The following GALNT13 variants were observed in gnomAD, a reference collection of about 807,000 sequenced individuals.
The protein encoded by GALNT13 is polypeptide N-acetylgalactosaminyltransferase 13, also known as UDP-GalNAc:polypeptide N-acetylgalactosaminyltransferase 13.
Under a neutral mutation model 64.2 loss-of-function variants are expected in GALNT13, and 28 were observed. That is an observed-to-expected ratio of 0.44 (90% CI 0.32 to 0.60). The LOEUF is 0.60. GALNT13 is among the 20% of genes least tolerant of loss of function. The pLI, the probability that GALNT13 is intolerant of heterozygous loss-of-function variation, is 0.05. For synonymous variants in GALNT13, 214 were observed against 224.6 expected (o/e 0.95, Z 0.42); for missense variants, 577 against 669.8 (o/e 0.86, Z 1.53).
chr2:154,270,681 A>T (rs942184841), intron 8 of GALNT13, among the ~76,000 whole-genome samples: 16 of 151,840 alleles, frequency 1.1e-4, no homozygotes, highest in Non-Finnish European at 2.1e-4. Context: ...GTGAAAATAA[A>T]TTAGTAAATA....
intron 3 of GALNT13, among the ~76,000 whole-genome samples, chr2:153,957,596 T>C (rs2105083136): frequency 6.6e-6 from 1 of 152,326 alleles, no homozygotes; most frequent in East Asian, 1.9e-4. Flanking sequence ...GCCCTCTTGC[T>C]TAAAGCAGGT....
intron 11 of GALNT13, among the ~76,000 whole-genome samples, chr2:154,434,505 C>T (rs936745241): frequency 2.5e-4 from 38 of 152,052 alleles, no homozygotes; most frequent in Non-Finnish European, 4.0e-4. Flanking sequence ...GTGATCCATG[C>T]GCCTGGGCCT....
At chr2:153,096,506 C>T in the GALNT13 span, among the ~76,000 whole-genome samples, 36 of 152,112 alleles carry the variant, frequency 2.4e-4, no homozygotes, top group Non-Finnish European at 4.9e-4. Context: ...CTATTTCTCT[C>T]TTTAGCTCTA....
At chr2:153,436,606 T>C in the GALNT13 span, among the ~76,000 whole-genome samples, 1 of 152,248 alleles carries the variant, frequency 6.6e-6, no homozygotes, top group Non-Finnish European at 1.5e-5. Context: ...ATTTTCTAGT[T>C]TATTTGCATA....
the GALNT13 span, among the ~76,000 whole-genome samples, chr2:153,094,910 T>C: frequency 1.3e-5 from 2 of 152,190 alleles, no homozygotes; most frequent in African/African-American, 4.8e-5. Context: ...AGGACTTAAA[T>C]TTTAGACCTA....
the GALNT13 span, among the ~76,000 whole-genome samples, chr2:153,816,471 CAT>C: frequency 5.3e-5 from 8 of 152,132 alleles, no homozygotes; most frequent in African/African-American, 1.7e-4. Flanking sequence ...TGCCATTGGA[CAT>C]ATTTAGCTTT....
chr2:154,274,570 G>C (rs765051017), intron 8 of GALNT13, among the ~76,000 whole-genome samples: 6 of 151,968 alleles, frequency 3.9e-5, no homozygotes, highest in Admixed American at 1.3e-4. Context: ...TTCTTGCTTG[G>C]CATTTCTCCT....
chr2:153,498,741 C>A, the GALNT13 span, among the ~76,000 whole-genome samples: 1 of 152,218 alleles, frequency 6.6e-6, no homozygotes, highest in Non-Finnish European at 1.5e-5. Flanking sequence ...GGCCGCAGCT[C>A]TTCTCTCCTT....
intron 1 of GALNT13, among the ~76,000 whole-genome samples, chr2:153,873,415 C>T (rs1312324139): frequency 6.6e-6 from 1 of 152,232 alleles, no homozygotes; most frequent in Non-Finnish European, 1.5e-5. Flanking sequence ...GATTCTTTGA[C>T]TATGGTTAGT....
the GALNT13 span, among the ~76,000 whole-genome samples, chr2:153,649,698 A>T: frequency 6.6e-6 from 1 of 152,118 alleles, no homozygotes; most frequent in Non-Finnish European, 1.5e-5. Context: ...GAACATCTTT[A>T]TTTCTGCCTT....
In GALNT13 at chr2:153,954,457, C is replaced by A. The variant is rs531138724; in HGVS notation, c.142+9818C>A. On this transcript the variant is annotated intron_variant, in intron 3 of 12. Coordinates refer to ENST00000392825, the MANE Select transcript of GALNT13 (RefSeq NM_052917.4). ...TTAATAGGCCTTATAAAATTTTGAC[C>A]GCTGATATTTGCTTTGCTCTTTCAT... Among the ~76,000 whole-genome samples the A allele has an allele frequency of 5.3e-5, 8 of 151,950 alleles. No individual in the cohort carries two copies. The South Asian group carries it at 1.7e-3, about 32-fold the overall frequency.
At chr2:153,596,033 C>T in the GALNT13 span, among the ~76,000 whole-genome samples, 1 of 152,120 alleles carries the variant, frequency 6.6e-6, no homozygotes, top group Non-Finnish European at 1.5e-5. Context: ...GGTATATGAC[C>T]ATCTGAAGGC....
At chr2:154,081,530 T>C (rs1303927560) in intron 3 of GALNT13, among the ~76,000 whole-genome samples, 1 of 151,646 alleles carries the variant, frequency 6.6e-6, no homozygotes, top group Non-Finnish European at 1.5e-5. Flanking sequence ...TGGGCCATGA[T>C]GGATCAAGCA....
chr2:153,989,734 G>A (rs751772358), intron 3 of GALNT13, among the ~76,000 whole-genome samples: 5 of 151,988 alleles, frequency 3.3e-5, no homozygotes, highest in East Asian at 3.9e-4. Context: ...AAATATGCAC[G>A]TTCCTTTTCC....
At chr2:153,992,885 A>G (rs1287339339) in intron 3 of GALNT13, among the ~76,000 whole-genome samples, 1 of 152,228 alleles carries the variant, frequency 6.6e-6, no homozygotes, top group African/African-American at 2.4e-5. Flanking sequence ...ATGCTTATAG[A>G]AGTAAACTAA....
chr2:153,359,297 T>C, the GALNT13 span, among the ~76,000 whole-genome samples: 1 of 152,210 alleles, frequency 6.6e-6, no homozygotes, highest in Non-Finnish European at 1.5e-5. Flanking sequence ...TTTTACCAAA[T>C]CATACTCCCA....
chr2:153,914,990 C>G (rs1480981149), intron 2 of GALNT13, among the ~76,000 whole-genome samples: 3 of 152,110 alleles, frequency 2.0e-5, no homozygotes, highest in African/African-American at 7.2e-5. Context: ...ATGTATGGCT[C>G]TTACACAATA....
the GALNT13 span, among the ~76,000 whole-genome samples, chr2:153,788,961 G>C: frequency 6.6e-6 from 1 of 152,004 alleles, no homozygotes; most frequent in South Asian, 2.1e-4. Context: ...TAAGTTCTAA[G>C]GACCTTCAAA....
the GALNT13 span, among the ~76,000 whole-genome samples, chr2:153,145,517 A>G: frequency 0.9 from 137,067 of 151,828 alleles, 62,831 homozygotes; most frequent in Non-Finnish European, 0.98. Flanking sequence ...AAATTAAGCC[A>G]AATTCTAAAA....
Sources: gnomAD v4.1 joint callset for allele counts (sites outside exome capture counted in the v4.1 genomes callset) on GRCh38, gnomAD v4.1.1 for gene constraint, MANE v1.5 for transcripts, NCBI Gene and HGNC (gene_info 2026-07-23, HGNC 2026-07-21) for gene names.